Variants in ERC2 observed in about 807,000 individuals in gnomAD.
The protein encoded by ERC2 is ERC protein 2.
ERC2 carries 42 observed loss-of-function variants against 114.8 expected under a neutral mutation model. The observed-to-expected ratio is 0.37, with a 90% CI of 0.29 to 0.47. The LOEUF (loss-of-function observed/expected upper bound fraction) is 0.47. Ranked by LOEUF, ERC2 falls within the 20% of genes least tolerant of loss-of-function variation. ERC2 has a pLI of 0.99. For synonymous variants in ERC2, 454 were observed against 425.5 expected, an observed-to-expected ratio of 1.07 and a Z score of -0.82; for missense variants, 939 against 1,150.7, an observed-to-expected ratio of 0.82 and a Z score of 2.66.
intron 14 of ERC2, among the ~76,000 whole-genome samples, chr3:55,841,647 A>G (rs2061139333): frequency 6.6e-6 from 1 of 152,228 alleles, no homozygotes; most frequent in Non-Finnish European, 1.5e-5. Flanking sequence ...CTTTCAAAAA[A>G]CATAAGGCAA....
At chr3:55,997,583 G>A (rs1162791679) in intron 10 of ERC2, among the ~76,000 whole-genome samples, 1 of 148,672 alleles carries the variant, frequency 6.7e-6, no homozygotes, top group Non-Finnish European at 1.5e-5. Flanking sequence ...ATTATAGACT[G>A]ATGAAACATA....
chr3:56,416,428 C>T (rs994025142), intron 2 of ERC2, among the ~76,000 whole-genome samples: 1 of 152,032 alleles, frequency 6.6e-6, no homozygotes, highest in Non-Finnish European at 1.5e-5. Flanking sequence ...GGGAGAGATT[C>T]CCCAAACTAT....
chr3:55,533,354 A>G (rs1440450830), intron 17 of ERC2, among the ~76,000 whole-genome samples: 1 of 152,190 alleles, frequency 6.6e-6, no homozygotes, highest in Admixed American at 6.5e-5. Context: ...AGGTTCCCTC[A>G]TCTCCCTCTG....
chr3:56,093,568 G>A (rs1576903043), intron 6 of ERC2, among the ~76,000 whole-genome samples: 1 of 152,090 alleles, frequency 6.6e-6, no homozygotes. Flanking sequence ...ATACCAGTTT[G>A]TACCACATTC....
intron 17 of ERC2, among the ~76,000 whole-genome samples, chr3:55,549,274 G>A (rs138386645): frequency 1.3e-5 from 2 of 151,844 alleles, no homozygotes; most frequent in East Asian, 3.9e-4. Flanking sequence ...ACGAAATGAG[G>A]TCCCTCCTGC....
chr3:55,560,622 G>A (rs901240061), intron 17 of ERC2, among the ~76,000 whole-genome samples: 1 of 152,132 alleles, frequency 6.6e-6, no homozygotes, highest in African/African-American at 2.4e-5. Context: ...GTATCACTGA[G>A]GGACCACACT....
chr3:55,975,987 C>A (rs1223733766), intron 12 of ERC2, among the ~76,000 whole-genome samples: 1 of 152,196 alleles, frequency 6.6e-6, no homozygotes, highest in East Asian at 1.9e-4. Context: ...GAATTTGTCA[C>A]CCTGCGCCAT....
At chr3:55,533,101 C>T (rs576106432) in intron 17 of ERC2, among the ~76,000 whole-genome samples, 29 of 152,346 alleles carry the variant, frequency 1.9e-4, no homozygotes, top group Non-Finnish European at 3.8e-4. Flanking sequence ...CAGGGTAAGG[C>T]CTCATTTTAC....
At chr3:55,619,700 C>T (rs1219092373) in intron 17 of ERC2, among the ~76,000 whole-genome samples, 1 of 152,136 alleles carries the variant, frequency 6.6e-6, no homozygotes, top group East Asian at 1.9e-4. Context: ...ACAAAAATTT[C>T]ATATGTAAAG....
At chr3:56,245,913 T>C (rs2051665200) in intron 3 of ERC2, among the ~76,000 whole-genome samples, 1 of 152,098 alleles carries the variant, frequency 6.6e-6, no homozygotes, top group African/African-American at 2.4e-5. Flanking sequence ...GCTCCAGACA[T>C]GGCAGTAGAT....
At chr3:55,769,544 G>A (rs2149020179) in intron 14 of ERC2, among the ~76,000 whole-genome samples, 1 of 152,204 alleles carries the variant, frequency 6.6e-6, no homozygotes, top group Non-Finnish European at 1.5e-5. Flanking sequence ...GACGATGTTA[G>A]ATAATGAATT....
At chr3:56,019,514 G>C (rs1183872156) in intron 7 of ERC2, among the ~76,000 whole-genome samples, 1 of 152,148 alleles carries the variant, frequency 6.6e-6, no homozygotes, top group Admixed American at 6.6e-5. Flanking sequence ...TAAAGTTTGT[G>C]ATATGCCAAA....
rs1553639622 is a variant in ERC2 at position 55,714,688 on chromosome 3, T to TACAC, written c.2713-15177_2713-15176insGTGT. 6.6e-3 allele frequency among the ~76,000 whole-genome samples: 671 copies of TACAC among 101,862 alleles called. 18 individuals carry two copies. Among genetic ancestry groups the TACAC allele is most frequent in the African/African-American group, 0.022 (528 of 23,996 alleles). The allele number at this position is 101,862 out of a possible 152,430, so 66.8% of individuals were successfully genotyped here. On this transcript the variant is annotated intron_variant, in intron 15 of 17. Coordinates refer to ENST00000288221, the MANE Select transcript of ERC2 (RefSeq NM_015576.3). ...GTGTGTATATATATATATATATATA[T>TACAC]ATATATATATATATATATATATATA...
intron 2 of ERC2, among the ~76,000 whole-genome samples, chr3:56,334,036 G>A (rs1451808490): frequency 1.3e-5 from 2 of 152,196 alleles, no homozygotes; most frequent in Non-Finnish European, 2.9e-5. Context: ...ACCCCTTAAT[G>A]AATGCTTGTT....
chr3:55,960,106 T>C (rs970338379), intron 12 of ERC2, among the ~76,000 whole-genome samples: 4 of 152,186 alleles, frequency 2.6e-5, no homozygotes, highest in Admixed American at 2.6e-4. Context: ...CTCCCTGGTC[T>C]CCCTGCTTCC....
intron 16 of ERC2, among the ~76,000 whole-genome samples, chr3:55,694,992 T>C (rs1433663337): frequency 1.3e-5 from 2 of 152,148 alleles, no homozygotes; most frequent in Non-Finnish European, 2.9e-5. Context: ...AATATGACTT[T>C]TACTGGGACA....
chr3:56,121,224 T>G (rs1352517352), intron 6 of ERC2, among the ~76,000 whole-genome samples: 1 of 152,212 alleles, frequency 6.6e-6, no homozygotes, highest in African/African-American at 2.4e-5. Context: ...TCTGTATGTA[T>G]GTTTGTATGT....
chr3:55,707,954 C>G (rs545796192), intron 15 of ERC2, among the ~76,000 whole-genome samples: 1 of 152,206 alleles, frequency 6.6e-6, no homozygotes, highest in African/African-American at 2.4e-5. Context: ...ACTGGTAGAT[C>G]TGAGGCTCTG....
At chr3:56,315,948 A>C (rs1304924718) in intron 2 of ERC2, among the ~76,000 whole-genome samples, 1 of 152,094 alleles carries the variant, frequency 6.6e-6, no homozygotes, top group African/African-American at 2.4e-5. Context: ...GAAGAATTTA[A>C]ATCGAAGTAA....
Sources: allele counts gnomAD v4.1 joint callset (sites outside exome capture counted in the v4.1 genomes callset), GRCh38; gene constraint gnomAD v4.1.1; transcripts MANE v1.5; gene names NCBI Gene and HGNC (gene_info 2026-07-23, HGNC 2026-07-21).